The following C8orf34 variants were observed in gnomAD, a reference collection of about 807,000 sequenced individuals.
The protein encoded by C8orf34 is uncharacterized protein C8orf34.
In C8orf34, 65 loss-of-function variants were observed where a neutral mutation model predicts 68.3. The observed-to-expected ratio is 0.95, with a 90% CI of 0.78 to 1.17. The LOEUF (loss-of-function observed/expected upper bound fraction) is 1.17, where lower values mean the gene tolerates loss of function less well. Ranked by LOEUF, C8orf34 falls within the 50% of genes most tolerant of loss-of-function variation. The probability of loss-of-function intolerance (pLI) is 0.00; values close to 1 mark genes in which losing one functional copy is unlikely to be tolerated. For missense variants in C8orf34, 664 were observed against 655.4 expected, an observed-to-expected ratio of 1.01 and a Z score of -0.14; for synonymous variants, 244 against 241.2, an observed-to-expected ratio of 1.01 and a Z score of -0.11.
At chr8:68,471,098 A>G in intron 4 of C8orf34, among the ~76,000 whole-genome samples, 1 of 152,104 alleles carries the variant, frequency 6.6e-6, no homozygotes, top group Non-Finnish European at 1.5e-5. Context: ...CAGAAAAGCT[A>G]TATGTGACTC....
At chr8:68,716,145 T>G (rs2130984393) in intron 9 of C8orf34, among the ~76,000 whole-genome samples, 1 of 151,610 alleles carries the variant, frequency 6.6e-6, no homozygotes, top group Middle Eastern at 3.4e-3. Flanking sequence ...ATTGATATAT[T>G]GGACTTTGCG....
intron 1 of C8orf34, among the ~76,000 whole-genome samples, chr8:68,416,486 A>C (rs1411958627): frequency 1.3e-5 from 2 of 151,504 alleles, no homozygotes; most frequent in Non-Finnish European, 1.5e-5. Flanking sequence ...AAACATATGA[A>C]TTAGTATTTT....
intron 7 of C8orf34, among the ~76,000 whole-genome samples, chr8:68,539,051 GA>G (rs1815599320): frequency 6.6e-6 from 1 of 152,010 alleles, no homozygotes; most frequent in Non-Finnish European, 1.5e-5. Flanking sequence ...AAAATTTCTT[GA>G]ATTATATTTA....
chr8:68,570,995 G>A (rs116832450), intron 7 of C8orf34, among the ~76,000 whole-genome samples: 50 of 152,260 alleles, frequency 3.3e-4, no homozygotes, highest in Admixed American at 2.0e-3. Context: ...AGGCACTTTT[G>A]TTCCTCTCTT....
chr8:68,807,495 C>T (rs1369174531), intron 12 of C8orf34, among the ~76,000 whole-genome samples: 2 of 151,842 alleles, frequency 1.3e-5, no homozygotes, highest in African/African-American at 4.8e-5. Flanking sequence ...TTATTTGGTT[C>T]ATTTGTAGTT....
intron 4 of C8orf34, among the ~76,000 whole-genome samples, chr8:68,482,180 T>C (rs1297306172): frequency 6.6e-6 from 1 of 152,206 alleles, no homozygotes; most frequent in Non-Finnish European, 1.5e-5. Context: ...GTTTCTGTTT[T>C]TGCTTCTTTC....
chr8:68,794,465 C>A (rs2129529264), intron 12 of C8orf34, among the ~76,000 whole-genome samples: 1 of 129,150 alleles, frequency 7.7e-6, no homozygotes, highest in South Asian at 2.3e-4. Flanking sequence ...AATCATTGTG[C>A]CCAGTATATA....
intron 8 of C8orf34, among the ~76,000 whole-genome samples, chr8:68,689,245 G>T (rs996817386): frequency 5.9e-5 from 9 of 151,968 alleles, no homozygotes; most frequent in Admixed American, 5.9e-4. Context: ...ACTCGATGGA[G>T]GGGGAGTGTT....
chr8:68,691,405 GA>G (rs1288511268), intron 8 of C8orf34, among the ~76,000 whole-genome samples: 1 of 152,036 alleles, frequency 6.6e-6, no homozygotes, highest in African/African-American at 2.4e-5. Context: ...ATATGCACTG[GA>G]AAACAATACA....
chr8:68,736,588 T>A (rs1006233669), intron 10 of C8orf34, among the ~76,000 whole-genome samples: 8 of 152,164 alleles, frequency 5.3e-5, no homozygotes, highest in African/African-American at 1.9e-4. Context: ...AATAAATCAA[T>A]ATAATACAAT....
intron 7 of C8orf34, among the ~76,000 whole-genome samples, chr8:68,629,530 A>G (rs892616449): frequency 6.6e-6 from 1 of 152,156 alleles, no homozygotes; most frequent in Non-Finnish European, 1.5e-5. Flanking sequence ...TCCTCCAAAA[A>G]CTAACATTCC....
intron 1 of C8orf34, among the ~76,000 whole-genome samples, chr8:68,349,570 A>G (rs965590037): frequency 4.0e-5 from 6 of 151,874 alleles, no homozygotes; most frequent in Non-Finnish European, 7.4e-5. Flanking sequence ...TTCTTTGTAT[A>G]TCTGGTAGAA....
intron 8 of C8orf34, among the ~76,000 whole-genome samples, chr8:68,681,301 A>G (rs918235958): frequency 4.6e-5 from 7 of 152,306 alleles, no homozygotes; most frequent in African/African-American, 1.7e-4. Context: ...GGCATAAGAA[A>G]TTATAAAAGT....
rs376224873 is a variant in C8orf34, at chr8:68,623,469, T to C, written c.1106-16907T>C. The stretch of plus-strand genomic sequence containing the variant: ...CAGACATTGTCCCAATGTTCCCTTG[T>C]TTTAAGGGGAGGGAAAAATCACCCG... On this transcript the variant is annotated intron_variant, in intron 7 of 13. Coordinates refer to ENST00000518698, the MANE Select transcript of C8orf34 (RefSeq NM_052958.4). Among the ~76,000 whole-genome samples, 28 of 152,218 alleles carry C rather than the reference T, an allele frequency of 1.8e-4. No homozygotes were observed. In the East Asian group the frequency reaches 3.9e-3, roughly 21 times the overall value.
intron 9 of C8orf34, among the ~76,000 whole-genome samples, chr8:68,712,233 C>T (rs56706627): frequency 0.074 from 11,257 of 152,156 alleles, 610 homozygotes; most frequent in African/African-American, 0.15. Flanking sequence ...AGTAGAACCT[C>T]CTTAAAGCAT....
At chr8:68,713,370 T>C (rs1821379590) in intron 9 of C8orf34, among the ~76,000 whole-genome samples, 1 of 151,502 alleles carries the variant, frequency 6.6e-6, no homozygotes, top group South Asian at 2.1e-4. Flanking sequence ...ATACAAAAGA[T>C]AGATGAAACA....
intron 3 of C8orf34, among the ~76,000 whole-genome samples, chr8:68,467,304 TTGACAGTTC>T (rs1563464151): frequency 6.6e-6 from 1 of 152,088 alleles, no homozygotes; most frequent in African/African-American, 2.4e-5. Flanking sequence ...TATTCTAGAA[TTGACAGTTC>T]TCTTGCTTTT....
At chr8:68,806,817 T>G (rs1209589723) in intron 12 of C8orf34, among the ~76,000 whole-genome samples, 2 of 152,218 alleles carry the variant, frequency 1.3e-5, no homozygotes, top group Non-Finnish European at 2.9e-5. Flanking sequence ...CAAACCTTAG[T>G]GGTCTAAAAC....
intron 7 of C8orf34, among the ~76,000 whole-genome samples, chr8:68,615,502 G>T (rs1359942200): frequency 6.6e-6 from 1 of 152,170 alleles, no homozygotes; most frequent in East Asian, 1.9e-4. Context: ...AGCATGAAGG[G>T]TTGCTGAATT....
Sources: allele counts gnomAD v4.1 joint callset (sites outside exome capture counted in the v4.1 genomes callset), GRCh38; gene constraint gnomAD v4.1.1; transcripts MANE v1.5; gene names NCBI Gene and HGNC (gene_info 2026-07-23, HGNC 2026-07-21).